ZNF25: variants seen among roughly 807,000 people sequenced by gnomAD.
The protein encoded by ZNF25 is zinc finger protein 25 (KOX 19).
ZNF25 carries 21 observed loss-of-function variants against 30.9 expected under a neutral mutation model. That is an observed-to-expected ratio of 0.68 (90% confidence interval 0.48 to 0.98). The LOEUF is 0.98. Ranked by LOEUF, ZNF25 falls within the 50% of genes least tolerant of loss-of-function variation. The pLI is 0.00. For missense variants in ZNF25, 501 were observed against 529.9 expected (o/e 0.95, Z 0.54); for synonymous variants, 169 against 181.3 (o/e 0.93, Z 0.55).
At chr10:37,957,139 A>G (rs775162722) in intron 3 of ZNF25, 24 bp from the exon 4 acceptor site, 1 of 1,596,188 alleles carries the variant, frequency 6.3e-7, no homozygotes, top group Non-Finnish European at 8.6e-7. Flanking sequence ...ATATCAAGGA[A>G]ATGATACAAA....
chr10:37,971,073 G>C (rs1590326505), intron 2 of ZNF25, among the ~76,000 whole-genome samples: 1 of 152,124 alleles, frequency 6.6e-6, no homozygotes, highest in East Asian at 1.9e-4. Context: ...CCCAGCATTT[G>C]GGAGGCTAAG....
Position 37,953,199 on chromosome 10 carries a change from G to C in ZNF25, c.303-4C>G, listed in dbSNP as rs375649708. The C allele has an allele frequency of 7.0e-6, 11 of 1,568,430 alleles. No individual in the cohort carries two copies. In the South Asian group the frequency reaches 9.6e-5, roughly 14 times the overall value. ...ATGTTTTGTGAGTTCTCCATTCCTAGACAGAAAGTTCCACATTCATTAATG... is the reference window on the plus strand; with the variant it reads ...ATGTTTTGTGAGTTCTCCATTCCTACACAGAAAGTTCCACATTCATTAATG... On this transcript the variant is annotated splice_polypyrimidine_tract_variant and splice_region_variant and intron_variant, in intron 5 of 5. Transcript: ENST00000302609.
At chr10:37,966,551 AAGG>A (rs1436323846) in intron 2 of ZNF25, among the ~76,000 whole-genome samples, 2 of 152,210 alleles carry the variant, frequency 1.3e-5, no homozygotes, top group South Asian at 2.1e-4. Flanking sequence ...GCAGAAGGTG[AAGG>A]AGAAGTTGGC....
chr10:37,949,850 A>T lies in ZNF25; in HGVS notation c.*2277T>A, dbSNP rs1033351134. The T allele has an allele frequency of 6.5e-6, 1 of 152,672 alleles. No individual in the cohort carries two copies. The highest frequency in any genetic ancestry group is 2.4e-5 in the African/African-American group (1 of 41,450). 9.5% of individuals were successfully genotyped at this position (152,672 alleles called of 1,614,324 possible). ...CAAAGGAATACTGTGGGGCAGTATC[A>T]ATGAACAATTCGACTTAATTTAGAC... On this transcript the variant is annotated 3_prime_UTR_variant, in exon 6 of 6. Coordinates refer to ENST00000302609, the MANE Select transcript of ZNF25 (RefSeq NM_145011.4).
intron 2 of ZNF25, among the ~76,000 whole-genome samples, chr10:37,961,991 C>T (rs1382938580): frequency 2.0e-5 from 3 of 148,924 alleles, no homozygotes; most frequent in African/African-American, 7.4e-5. Flanking sequence ...AATCCCAGCA[C>T]TTTGGGAGGC....
chr10:37,959,296 A>G (rs2062714753), intron 2 of ZNF25, among the ~76,000 whole-genome samples: 1 of 152,192 alleles, frequency 6.6e-6, no homozygotes, highest in South Asian at 2.1e-4. Flanking sequence ...GGCACATTAG[A>G]AAAATAAGAA....
At position 37,952,791 on chromosome 10, in the gene ZNF25, C is replaced by T. The variant is rs2062244097; in HGVS notation, c.707G>A (p.Gly236Glu). 6.2e-7 allele frequency: 1 copy of T among 1,613,686 alleles called. No individual in the cohort carries two copies. The highest frequency in any genetic ancestry group is 8.5e-7 in the Non-Finnish European group (1 of 1,179,904). ...GTATGCCTTCACATAGAAGAACTTCCCACATTCAGTACATTCAAAAGGTTT... is the reference window on the plus strand; with the variant it reads ...GTATGCCTTCACATAGAAGAACTTCTCACATTCAGTACATTCAAAAGGTTT... ...GEKPFECTECGKFFYVKAYLM... is the reference protein window; with the variant it reads ...GEKPFECTECEKFFYVKAYLM... Residue 236 changes from glycine (G) to glutamate (E), a missense_variant, in exon 6 of 6, where the codon GGG becomes GAG. Physicochemically the swap from Gly to Glu is moderately conservative, Grantham distance 98. Coordinates refer to ENST00000302609, the MANE Select transcript of ZNF25 (RefSeq NM_145011.4).
chr10:37,963,575 G>C (rs2063010625), intron 2 of ZNF25, among the ~76,000 whole-genome samples: 1 of 152,164 alleles, frequency 6.6e-6, no homozygotes, highest in South Asian at 2.1e-4. Context: ...TTGGGGACTG[G>C]TAGGAGGTAT....
chr10:37,952,738 C>G lies in ZNF25; in HGVS notation c.760G>C (p.Gly254Arg), dbSNP rs1564750358. 7.4e-6 allele frequency: 12 copies of G among 1,613,866 alleles called. No individual in the cohort carries two copies. The highest frequency in any genetic ancestry group is 1.0e-5 in the Non-Finnish European group (12 of 1,179,924). Residue 254 changes from glycine to arginine, a missense_variant, in exon 6 of 6, where the codon GGG (glycine) becomes CGG (arginine). Coordinates refer to ENST00000302609, the MANE Select transcript of ZNF25 (RefSeq NM_145011.4). ...TCCTTACACTCATAGGGTTTCTCCCCTGTGTGTGTTTTCTGATGTACCATG... is the reference window on the plus strand; with the variant it reads ...TCCTTACACTCATAGGGTTTCTCCCGTGTGTGTGTTTTCTGATGTACCATG... ...YLMVHQKTHT[G>R]EKPYECKECG...
At chr10:37,973,694 G>A (rs1218288700) in intron 1 of ZNF25, among the ~76,000 whole-genome samples, 2 of 151,234 alleles carry the variant, frequency 1.3e-5, no homozygotes, top group Non-Finnish European at 2.9e-5. Context: ...TTGTTAAAAT[G>A]TCCATAGTAC....
chr10:37,959,495 T>C (rs2062726503), intron 2 of ZNF25, among the ~76,000 whole-genome samples: 1 of 152,208 alleles, frequency 6.6e-6, no homozygotes, highest in African/African-American at 2.4e-5. Flanking sequence ...GGTAGAACTG[T>C]TTAAGGCTAT....
At chr10:37,972,261 TA>T (rs1238988972) in intron 1 of ZNF25, among the ~76,000 whole-genome samples, 7 of 152,252 alleles carry the variant, frequency 4.6e-5, no homozygotes, top group Non-Finnish European at 7.3e-5. Context: ...TTCTTCTCCC[TA>T]AATTGCAGTT....
intron 2 of ZNF25, among the ~76,000 whole-genome samples, chr10:37,968,604 C>T (rs1341053012): frequency 2.6e-5 from 4 of 152,076 alleles, no homozygotes; most frequent in Non-Finnish European, 5.9e-5. Flanking sequence ...ATCCACCCAC[C>T]CTGGCCTCCC....
chr10:37,951,469 G>A lies in ZNF25; in HGVS notation c.*658C>T, dbSNP rs2062140479. On this transcript the variant is annotated 3_prime_UTR_variant, in exon 6 of 6. Coordinates refer to ENST00000302609, the MANE Select transcript of ZNF25 (RefSeq NM_145011.4). ...GCTTCATATATGTAGACATTTGCAG[G>A]TTTCCTTTTAAAATAGAGCAATCTC... 6.6e-6 allele frequency: 1 copy of A among 152,098 alleles called. No individual in the cohort carries two copies. Among genetic ancestry groups the A allele is most frequent in the Non-Finnish European group, 1.5e-5 (1 of 68,018 alleles). The allele number at this position is 152,098 out of a possible 1,614,324, so 9.4% of individuals were successfully genotyped here. A position where few individuals can be genotyped will look rare whatever the true frequency, so the allele number is the denominator to read the frequency against.
At chr10:37,966,426 A>C (rs2063188883) in intron 2 of ZNF25, among the ~76,000 whole-genome samples, 2 of 151,966 alleles carry the variant, frequency 1.3e-5, no homozygotes, top group African/African-American at 4.8e-5. Context: ...TTAAAAAAAA[A>C]AAAAAACTAC....
chr10:37,957,220 G>A (rs1246224674), intron 3 of ZNF25, 105 bp from the exon 4 acceptor site: 1 of 1,338,972 alleles, frequency 7.5e-7, no homozygotes, highest in Non-Finnish European at 1.0e-6. Flanking sequence ...GTTCCAGTTA[G>A]GCTTGGCAAA....
In ZNF25 at chr10:37,952,947, T is replaced by C; in HGVS notation, c.551A>G (p.Tyr184Cys). 6.2e-7 allele frequency: 1 copy of C among 1,614,188 alleles called. No individual in the cohort carries two copies. The highest frequency in any genetic ancestry group is 8.5e-7 in the Non-Finnish European group (1 of 1,180,026). ...YECKECKKIF[Y>C]HLSSLSRHLR... is the part of the protein sequence containing the mutation. ...ATGTCTACTGAGAGATGATAGGTGG[T>C]AAAATATTTTCTTACATTCTTTACA... The change falls in exon 6 of 6, where the codon TAC becomes TGC. Residue 184 changes from tyrosine to cysteine, a missense_variant. Transcript: ENST00000302609.
intron 2 of ZNF25, among the ~76,000 whole-genome samples, chr10:37,970,202 C>T (rs2063409371): frequency 6.6e-6 from 1 of 152,054 alleles, no homozygotes; most frequent in Non-Finnish European, 1.5e-5. Context: ...ATCAATATTC[C>T]TCATGGTGAT....
intron 1 of ZNF25, among the ~76,000 whole-genome samples, chr10:37,974,374 T>C (rs2063676133): frequency 6.6e-6 from 1 of 152,172 alleles, no homozygotes; most frequent in Non-Finnish European, 1.5e-5. Context: ...ACTACCCATC[T>C]GACAAGGAAT....
Sources: allele counts gnomAD v4.1 joint callset (sites outside exome capture counted in the v4.1 genomes callset), GRCh38; gene constraint gnomAD v4.1.1; transcripts MANE v1.5; gene names NCBI Gene and HGNC (gene_info 2026-07-23, HGNC 2026-07-21).